SPRY3: variants seen among roughly 807,000 people sequenced by gnomAD.
The protein encoded by SPRY3 is sprouty RTK signaling antagonist 3.
A neutral mutation model predicts 20.2 loss-of-function variants in SPRY3; 15 were observed. The observed-to-expected ratio is 0.74, with a 90% CI of 0.50 to 1.14. The LOEUF (loss-of-function observed/expected upper bound fraction) is 1.14. Among genes scored for constraint, SPRY3 ranks in the 50% most tolerant of loss-of-function variants. The pLI is 0.00. For missense variants in SPRY3, 364 were observed against 363.9 expected (o/e 1.00, Z 0.00); for synonymous variants, 143 against 136.5 (o/e 1.05, Z -0.33).
intron 2 of SPRY3, among the ~76,000 whole-genome samples, chrX:155,762,932 T>C (rs994500650): frequency 5.9e-5 from 9 of 152,154 alleles, no homozygotes; most frequent in African/African-American, 2.2e-4. Context: ...TTTGCAGCAC[T>C]ATTCACAATG....
rs187333048 is a variant in SPRY3 at position 155,732,730 on chromosome X, T to G, written c.-281-35232T>G. ...TTTATTGCAGCACTATTCACAATAG[T>G]CAAGATTTGGAAGGAACCCAAAATG... On this transcript the variant is annotated intron_variant, in intron 2 of 3. Coordinates refer to ENST00000675360, the Ensembl canonical transcript of SPRY3. Among the ~76,000 whole-genome samples, 30 of 152,122 alleles carry G rather than the reference T, an allele frequency of 2.0e-4. No individual in the cohort carries two copies. In the East Asian group the frequency reaches 5.8e-3, roughly 29 times the overall value.
At chrX:155,766,453 C>G (rs917096360) in intron 2 of SPRY3, among the ~76,000 whole-genome samples, 2 of 152,162 alleles carry the variant, frequency 1.3e-5, no homozygotes, top group Non-Finnish European at 2.9e-5. Context: ...AGTTTCCTGA[C>G]TCACACAGTT....
Position 155,737,193 on chromosome X carries a change from G to C in SPRY3, c.-281-30769G>C, listed in dbSNP as rs924588445. 2.6e-5 allele frequency among the ~76,000 whole-genome samples: 4 copies of C among 152,006 alleles called. No individual in the cohort carries two copies. In the South Asian group the frequency reaches 8.3e-4, roughly 32 times the overall value. ...ATTCCTAAATTTCTGCTGCATCCAA[G>C]TGTGGCTGTGATGCTTACCTTGTCT... is the stretch of plus-strand genomic sequence containing the variant. On this transcript the variant is annotated intron_variant, in intron 2 of 3. Coordinates refer to ENST00000675360, the Ensembl canonical transcript of SPRY3.
chrX:155,705,253 T>C (rs1380026631), intron 2 of SPRY3, among the ~76,000 whole-genome samples: 1 of 151,558 alleles, frequency 6.6e-6, no homozygotes, highest in Admixed American at 6.6e-5. Flanking sequence ...CAATTGGGAA[T>C]GTACAGTTGT....
chrX:155,748,234 C>G (rs142460789), intron 2 of SPRY3, among the ~76,000 whole-genome samples: 117 of 151,982 alleles, frequency 7.7e-4, no homozygotes, highest in African/African-American at 2.6e-3. Flanking sequence ...ATAGTAAACA[C>G]TTGGCTATAA....
exon 4 of SPRY3, chrX:155,774,818 G>A: frequency 6.7e-7 from 1 of 1,492,336 alleles, no homozygotes; most frequent in East Asian, 2.3e-5. Flanking sequence ...TGGAGAGGGG[G>A]AGGAGTGATA....
intron 1 of SPRY3, among the ~76,000 whole-genome samples, chrX:155,652,113 C>T (rs1193913990): frequency 1.8e-5 from 2 of 111,085 alleles, no homozygotes; most frequent in Non-Finnish European, 3.8e-5. Context: ...ATCAGGAGAA[C>T]AGCGAGGAGG....
intron 1 of SPRY3, among the ~76,000 whole-genome samples, chrX:155,629,917 T>C (rs1557350299): frequency 8.9e-6 from 1 of 112,416 alleles, no homozygotes; most frequent in African/African-American, 3.2e-5. Flanking sequence ...TAATCCCATT[T>C]GTTTATTTTC....
At chrX:155,763,134 T>C (rs1255797160) in intron 2 of SPRY3, among the ~76,000 whole-genome samples, 1 of 152,128 alleles carries the variant, frequency 6.6e-6, no homozygotes, top group African/African-American at 2.4e-5. Flanking sequence ...ACCCCTCATG[T>C]TCTCACTTAT....
At chrX:155,632,219 CCACACA>C (rs55865452) in intron 1 of SPRY3, among the ~76,000 whole-genome samples, 2 of 98,645 alleles carry the variant, frequency 2.0e-5, no homozygotes, top group Admixed American at 1.1e-4. Context: ...TCCACAGCCA[CCACACA>C]CACACACACA....
chrX:155,749,340 T>C (rs1336696233), intron 2 of SPRY3, among the ~76,000 whole-genome samples: 2 of 151,612 alleles, frequency 1.3e-5, no homozygotes, highest in Non-Finnish European at 2.9e-5. Context: ...AATAAACATA[T>C]GATTGAGGTA....
intron 2 of SPRY3, among the ~76,000 whole-genome samples, chrX:155,709,142 T>A (rs977183468): frequency 2.0e-5 from 3 of 151,754 alleles, no homozygotes; most frequent in African/African-American, 7.2e-5. Flanking sequence ...AGGGTGCAGA[T>A]GTCTCTTTGA....
intron 2 of SPRY3, among the ~76,000 whole-genome samples, chrX:155,703,874 G>A (rs1447526482): frequency 3.3e-5 from 5 of 151,806 alleles, no homozygotes; most frequent in Admixed American, 6.6e-5. Flanking sequence ...TGTTCTGGTC[G>A]ACCATTCTCC....
intron 2 of SPRY3, among the ~76,000 whole-genome samples, chrX:155,704,560 G>T (rs2090935685): frequency 6.6e-6 from 1 of 151,582 alleles, no homozygotes; most frequent in Non-Finnish European, 1.5e-5. Flanking sequence ...CATGTAATTA[G>T]AATCACCAAA....
At chrX:155,736,494 C>T (rs889107232) in intron 2 of SPRY3, among the ~76,000 whole-genome samples, 2 of 151,894 alleles carry the variant, frequency 1.3e-5, no homozygotes, top group African/African-American at 4.8e-5. Flanking sequence ...TCTTTCAACA[C>T]TTTAAATACT....
At chrX:155,768,355 G>T (rs1330652654) in intron 3 of SPRY3, among the ~76,000 whole-genome samples, 1 of 152,158 alleles carries the variant, frequency 6.6e-6, no homozygotes, top group Non-Finnish European at 1.5e-5. Context: ...TTGGAAATGT[G>T]TAAATCCAAA....
At chrX:155,778,804 C>T (rs932363096), downstream of SPRY3, 1 of 166,992 alleles carries the variant, frequency 6.0e-6, no homozygotes, top group African/African-American at 2.4e-5. Context: ...AATAACCTGT[C>T]CAAAGTCACA....
At chrX:155,687,954 C>T (rs1023011566) in intron 2 of SPRY3, among the ~76,000 whole-genome samples, 1 of 110,771 alleles carries the variant, frequency 9.0e-6, no homozygotes, top group Admixed American at 9.6e-5. Context: ...TAAATGTGTG[C>T]CATGGTGGTT....
chrX:155,756,144 G>C (rs2091282722), intron 2 of SPRY3, among the ~76,000 whole-genome samples: 1 of 152,074 alleles, frequency 6.6e-6, no homozygotes, highest in African/African-American at 2.4e-5. Context: ...CCTCTGCACT[G>C]TTGTCACCTG....
Sources: gnomAD v4.1 joint callset for allele counts (sites outside exome capture counted in the v4.1 genomes callset) on GRCh38, gnomAD v4.1.1 for gene constraint, MANE v1.5 for transcripts, NCBI Gene and HGNC (gene_info 2026-07-23, HGNC 2026-07-21) for gene names.